The following PCDHA1 variants were observed in gnomAD, a reference collection of about 807,000 sequenced individuals.
PCDHA1 encodes the protein protocadherin alpha 1.
PCDHA1 carries 42 observed loss-of-function variants against 61.3 expected under a neutral mutation model. The ratio of observed to expected loss-of-function variants is 0.69; its 90% CI spans 0.54 to 0.89. The LOEUF is 0.89. Ranked by LOEUF, PCDHA1 falls within the 40% of genes least tolerant of loss-of-function variation. The pLI, the probability that PCDHA1 is intolerant of heterozygous loss-of-function variation, is 0.00. For missense variants in PCDHA1, 1,256 were observed against 1,235.3 expected, an observed-to-expected ratio of 1.02 and a Z score of -0.25; for synonymous variants, 610 against 553.8, an observed-to-expected ratio of 1.10 and a Z score of -1.43.
chr5:140,975,841 G>T (rs1389959509), intron 1 of PCDHA1, among the ~76,000 whole-genome samples: 1 of 152,066 alleles, frequency 6.6e-6, no homozygotes, highest in Non-Finnish European at 1.5e-5. Context: ...TTATTCTTCA[G>T]TAATACTACA....
In PCDHA1 at chr5:140,843,348, C is replaced by T; in HGVS notation, c.2394+54664C>T. The T allele has an allele frequency of 1.9e-6, 3 of 1,596,106 alleles. No homozygotes were observed. The South Asian group carries it at 3.3e-5, about 18-fold the overall frequency. On this transcript the variant is annotated intron_variant, in intron 1 of 3. Transcript: ENST00000504120. ...TCGCTGGTGGAGAGCGGCCAGGCTC[C>T]AAAAGCGTCATCGAGGCAGTCGGCT...
rs141385563 is a variant in PCDHA1, at chr5:140,802,886, G to A, written c.2394+14202G>A. 2.2e-4 allele frequency: 349 copies of A among 1,613,748 alleles called. No individual in the cohort carries two copies. Among genetic ancestry groups the A allele is most frequent in the Middle Eastern group, 8.3e-4 (5 of 6,058 alleles). ...TGCTGGACGAGAACGACAACGCGCCGGCACTGCTGATGCCTCGGGTGGGTG... is the reference window on the plus strand; with the variant it reads ...TGCTGGACGAGAACGACAACGCGCCAGCACTGCTGATGCCTCGGGTGGGTG... On this transcript the variant is annotated intron_variant, in intron 1 of 3. Transcript: ENST00000504120.
intron 1 of PCDHA1, chr5:140,877,731 G>A (rs2153355415): frequency 1.2e-6 from 2 of 1,614,176 alleles, no homozygotes; most frequent in Non-Finnish European, 1.7e-6. Context: ...ACTCGCAGCA[G>A]AGGAGGCAGA....
rs782133089 is a variant in PCDHA1, at chr5:140,924,894, CAAA to C, written c.2395-54046_2395-54044del. Reference sequence around the variant, plus strand: ...TGGGTGACAGAGCAAGAACCTGTCTCAAAAAAAAAAATAAAATAAAATAAAATA... The same window carrying C: ...TGGGTGACAGAGCAAGAACCTGTCTCAAAAAAAATAAAATAAAATAAAATA... On this transcript the variant is annotated intron_variant, in intron 1 of 3. Transcript: ENST00000504120. Among the ~76,000 whole-genome samples the C allele has an allele frequency of 6.8e-3, 488 of 71,480 alleles. 13 individuals carry two copies. Among genetic ancestry groups the C allele is most frequent in the East Asian group, 0.051 (79 of 1,534 alleles). The allele number at this position is 71,480 out of a possible 152,430, so 46.9% of individuals were successfully genotyped here. A position where few individuals can be genotyped will look rare whatever the true frequency, so the allele number is the denominator to read the frequency against.
intron 1 of PCDHA1, among the ~76,000 whole-genome samples, chr5:140,939,231 G>A (rs1305244022): frequency 6.6e-6 from 1 of 152,134 alleles, no homozygotes; most frequent in East Asian, 1.9e-4. Context: ...TCACCTTCTG[G>A]AAGGAGCAAG....
chr5:140,802,304 C>A (rs1554122016), intron 1 of PCDHA1: 2 of 1,614,232 alleles, frequency 1.2e-6, no homozygotes, highest in Admixed American at 1.7e-5. Context: ...GCACAGTCAT[C>A]GCTCTGATCA....
chr5:140,853,149 G>C, intron 1 of PCDHA1: 1 of 844,586 alleles, frequency 1.2e-6, no homozygotes, highest in Non-Finnish European at 1.5e-6. Flanking sequence ...AAAATGCTGG[G>C]ATTACAGGCG....
At chr5:140,837,919 TC>T (rs1554136703) in intron 1 of PCDHA1, among the ~76,000 whole-genome samples, 1 of 151,862 alleles carries the variant, frequency 6.6e-6, no homozygotes, top group African/African-American at 2.4e-5. Context: ...CTTCAAGCGA[TC>T]CTCCTACCTT....
At chr5:140,987,395 G>A (rs1438598842) in intron 3 of PCDHA1, among the ~76,000 whole-genome samples, 1 of 152,166 alleles carries the variant, frequency 6.6e-6, no homozygotes, top group East Asian at 1.9e-4. Flanking sequence ...ATGCAAGGAA[G>A]CCATCTGTTT....
chr5:140,787,978 C>G lies in PCDHA1; in HGVS notation c.1688C>G (p.Pro563Arg), dbSNP rs61743802. 1 of 1,613,860 alleles carries G rather than the reference C, an allele frequency of 6.2e-7. No homozygotes were observed. The highest frequency in any genetic ancestry group is 8.5e-7 in the Non-Finnish European group (1 of 1,179,914). The change falls in exon 1 of 4, where the codon CCG (proline) becomes CGG (arginine). Residue 563 changes from proline (P) to arginine (R), a missense_variant. Pro to Arg is a moderately radical substitution (Grantham distance 103). Transcript: ENST00000504120. ...GTGCTGGACGAGAACGACAACGCGCCGGCGCTGCTGGCGCCTCGAGTGGGT... is the reference window on the plus strand; with the variant it reads ...GTGCTGGACGAGAACGACAACGCGCGGGCGCTGCTGGCGCCTCGAGTGGGT... ...VFVLDENDNA[P>R]ALLAPRVGGT...
chr5:140,868,091 G>T (rs1355947056), intron 1 of PCDHA1: 1 of 151,974 alleles, frequency 6.6e-6, no homozygotes, highest in African/African-American at 2.4e-5. Flanking sequence ...TTTATAAAAT[G>T]ATAATAAAAT....
intron 1 of PCDHA1, chr5:140,865,989 T>A (rs955714257): frequency 1.3e-5 from 2 of 152,172 alleles, no homozygotes; most frequent in Non-Finnish European, 2.9e-5. Flanking sequence ...TGGCACTAAG[T>A]TTTTTTATGT....
intron 1 of PCDHA1, chr5:140,849,056 G>T: frequency 6.4e-7 from 1 of 1,554,944 alleles, no homozygotes; most frequent in South Asian, 1.1e-5. Context: ...CCAGCAACCA[G>T]CAGGTAAAAC....
chr5:140,801,682 T>C (rs563939423), intron 1 of PCDHA1: 71 of 1,614,094 alleles, frequency 4.4e-5, no homozygotes, highest in Middle Eastern at 1.6e-4. Flanking sequence ...GATGCAGATA[T>C]CGGAACAAAT....
chr5:140,822,084 C>A (rs2150113560), intron 1 of PCDHA1: 76 of 1,614,106 alleles, frequency 4.7e-5, no homozygotes, highest in Non-Finnish European at 6.4e-5. Context: ...AGTGCAGCAT[C>A]CACCTGGAGG....
chr5:140,821,818 C>T (rs919324883), intron 1 of PCDHA1: 1 of 1,613,974 alleles, frequency 6.2e-7, no homozygotes, highest in African/African-American at 1.3e-5. Flanking sequence ...CCGGCTCCTG[C>T]TGCTCTGGCT....
intron 1 of PCDHA1, among the ~76,000 whole-genome samples, chr5:140,932,599 A>G (rs2088459196): frequency 6.6e-6 from 1 of 151,912 alleles, no homozygotes; most frequent in Non-Finnish European, 1.5e-5. Context: ...TTGTATATCT[A>G]TTTTGACTTT....
chr5:140,869,238 G>A (rs1430399840), intron 1 of PCDHA1: 1 of 1,613,534 alleles, frequency 6.2e-7, no homozygotes, highest in African/African-American at 1.3e-5. Flanking sequence ...GCACCTTCGT[G>A]GGCCGCATCG....
chr5:140,828,999 T>A lies in PCDHA1; in HGVS notation c.2394+40315T>A, dbSNP rs2150161798. On this transcript the variant is annotated intron_variant, in intron 1 of 3. Coordinates refer to ENST00000504120, the MANE Select transcript of PCDHA1 (RefSeq NM_018900.4). ...ATAGATCGAAATACGGGAGAAATAG[T>A]GATTCGGGGTAATTTGGATTTTGAA... The A allele has an allele frequency of 1.4e-5, 23 of 1,613,800 alleles. No individual in the cohort carries two copies. In the South Asian group the frequency reaches 2.4e-4, roughly 17 times the overall value.
Sources: gnomAD v4.1 joint callset for allele counts (sites outside exome capture counted in the v4.1 genomes callset) on GRCh38, gnomAD v4.1.1 for gene constraint, MANE v1.5 for transcripts, NCBI Gene and HGNC (gene_info 2026-07-23, HGNC 2026-07-21) for gene names.